The following LYPLA1 variants were observed in gnomAD, a reference collection of about 807,000 sequenced individuals.
LYPLA1 encodes the protein lysophospholipase 1.
In LYPLA1, 17 loss-of-function variants were observed where a neutral mutation model predicts 34.0. The observed-to-expected ratio is 0.50, with a 90% confidence interval of 0.34 to 0.75. The LOEUF is 0.75. Ranked by LOEUF, LYPLA1 falls within the 30% of genes least tolerant of loss-of-function variation. The probability of loss-of-function intolerance (pLI) is 0.01; values close to 1 mark genes in which losing one functional copy is unlikely to be tolerated. For missense variants in LYPLA1, 203 were observed against 288.8 expected, an observed-to-expected ratio of 0.70 and a Z score of 2.15; for synonymous variants, 98 against 100.8, an observed-to-expected ratio of 0.97 and a Z score of 0.17.
chr8:54,063,630 C>CT (rs1806825061), intron 3 of LYPLA1, among the ~76,000 whole-genome samples: 1 of 152,212 alleles, frequency 6.6e-6, no homozygotes, highest in African/African-American at 2.4e-5. Flanking sequence ...AACACCCTTA[C>CT]TTACTACTTT....
At chr8:54,043,352 T>G (rs1441043746), downstream of LYPLA1, 1 of 152,074 alleles carries the variant, frequency 6.6e-6, no homozygotes, top group African/African-American at 2.4e-5. Flanking sequence ...CTCGGCTCAC[T>G]GCAACCCCCG....
At chr8:54,096,980 C>A (rs1809735309) in intron 2 of LYPLA1, among the ~76,000 whole-genome samples, 1 of 151,478 alleles carries the variant, frequency 6.6e-6, no homozygotes, top group Non-Finnish European at 1.5e-5. Flanking sequence ...TGGGGAGTAG[C>A]AGATTAATAA....
At chr8:54,071,110 T>C (rs1484898841) in intron 2 of LYPLA1, among the ~76,000 whole-genome samples, 1 of 152,222 alleles carries the variant, frequency 6.6e-6, no homozygotes, top group Non-Finnish European at 1.5e-5. Flanking sequence ...AGAGTCACTC[T>C]GCAGAATATG....
intron 2 of LYPLA1, among the ~76,000 whole-genome samples, chr8:54,092,787 G>C (rs1398072532): frequency 6.6e-6 from 1 of 152,164 alleles, no homozygotes; most frequent in Admixed American, 6.5e-5. Flanking sequence ...TTTGAGACCA[G>C]CCTAGGCAAC....
chr8:54,077,534 G>A (rs566115523), intron 2 of LYPLA1, among the ~76,000 whole-genome samples: 24 of 152,288 alleles, frequency 1.6e-4, no homozygotes, highest in Admixed American at 6.5e-4. Flanking sequence ...GGTGGCTCAC[G>A]CCTGTAATCC....
At chr8:54,054,813 T>G in intron 6 of LYPLA1, 1 of 378,754 alleles carries the variant, frequency 2.6e-6, no homozygotes, top group Non-Finnish European at 4.7e-6. Flanking sequence ...GTTATCAGTT[T>G]TAATTAATTA....
At chr8:54,087,499 G>GAAAC (rs558301990) in intron 2 of LYPLA1, among the ~76,000 whole-genome samples, 31 of 152,270 alleles carry the variant, frequency 2.0e-4, no homozygotes, top group African/African-American at 6.7e-4. Context: ...TACTCTGTCT[G>GAAAC]AAACAAACAA....
At chr8:54,085,662 C>G (rs1808676786) in intron 2 of LYPLA1, among the ~76,000 whole-genome samples, 1 of 150,550 alleles carries the variant, frequency 6.6e-6, no homozygotes, top group South Asian at 2.1e-4. Context: ...TGTCTCTGCC[C>G]CGCCGTCACC....
intron 2 of LYPLA1, among the ~76,000 whole-genome samples, chr8:54,069,918 A>G (rs569582085): frequency 1.4e-4 from 22 of 152,320 alleles, no homozygotes; most frequent in Non-Finnish European, 2.5e-4. Context: ...TCATTAGAAA[A>G]TGCAAACCAA....
At chr8:54,056,951 A>G (rs1806246660) in intron 5 of LYPLA1, among the ~76,000 whole-genome samples, 1 of 152,150 alleles carries the variant, frequency 6.6e-6, no homozygotes, top group South Asian at 2.1e-4. Flanking sequence ...AAAGATCTGA[A>G]TAGACATTTC....
At chr8:54,087,136 G>T (rs752418366) in intron 2 of LYPLA1, among the ~76,000 whole-genome samples, 2 of 152,036 alleles carry the variant, frequency 1.3e-5, no homozygotes, top group Non-Finnish European at 2.9e-5. Context: ...CTTATATACA[G>T]AAAATCCTAT....
At chr8:54,059,723 C>G (rs955042641) in intron 5 of LYPLA1, among the ~76,000 whole-genome samples, 6 of 152,176 alleles carry the variant, frequency 3.9e-5, no homozygotes, top group African/African-American at 1.4e-4. Flanking sequence ...GAGTTTCCCA[C>G]CAGCCTGGAC....
At chr8:54,084,124 G>GGAAAAAAA (rs1554547911) in intron 2 of LYPLA1, among the ~76,000 whole-genome samples, 30 of 56,154 alleles carry the variant, frequency 5.3e-4, no homozygotes, top group African/African-American at 2.5e-3. Flanking sequence ...GGAGACCAAA[G>GGAAAAAAA]AAAAAAAAAA....
At position 54,073,863 on chromosome 8, in the gene LYPLA1, A is replaced by T. The variant is rs76996048; in HGVS notation, c.102-8050T>A. Among the ~76,000 whole-genome samples the T allele has an allele frequency of 2.0e-5, 3 of 152,322 alleles. No individual in the cohort carries two copies. The East Asian group carries it at 5.8e-4, about 29-fold the overall frequency. On this transcript the variant is annotated intron_variant, in intron 2 of 8. Transcript: ENST00000316963. Reference sequence around the variant, plus strand: ...ATGTAATTCTACCAAAGTCTTCTTAATATGTTCTTTTAAACAATTGAATTA... The same window carrying T: ...ATGTAATTCTACCAAAGTCTTCTTATTATGTTCTTTTAAACAATTGAATTA...
In LYPLA1 at chr8:54,048,067, A is replaced by G; in HGVS notation, c.691T>C (p.Ter231ArgextTer3). 2 of 1,606,512 alleles carry G rather than the reference A, an allele frequency of 1.2e-6. No individual in the cohort carries two copies. The highest frequency in any genetic ancestry group is 1.7e-6 in the Non-Finnish European group (2 of 1,173,494). ...CTACACAAGGCCTCTTAGTGACGTC[A>G]ATCAATTGGAGGTAGGAGTTTATCA... ...FIDKLLPPID[*>R] The change falls in exon 9 of 9, where the codon TGA becomes CGA. Residue 231 changes from the stop codon to arginine, a stop_lost. Transcript: ENST00000316963.
chr8:54,044,493 GAA>G (rs1805434603), downstream of LYPLA1, among the ~76,000 whole-genome samples: 1 of 152,112 alleles, frequency 6.6e-6, no homozygotes, highest in Non-Finnish European at 1.5e-5. Context: ...AACTCCTGGT[GAA>G]AAAGTTTTGA....
intron 8 of LYPLA1, among the ~76,000 whole-genome samples, chr8:54,050,325 C>T (rs1055503073): frequency 1.3e-5 from 2 of 152,240 alleles, no homozygotes; most frequent in Non-Finnish European, 2.9e-5. Context: ...TACTACACCC[C>T]ACATAATTAA....
At chr8:54,072,299 G>A (rs1807532291) in intron 2 of LYPLA1, among the ~76,000 whole-genome samples, 1 of 152,102 alleles carries the variant, frequency 6.6e-6, no homozygotes, top group South Asian at 2.1e-4. Context: ...GACAACCTAG[G>A]AAATACCATT....
chr8:54,064,136 C>A (rs899284187), intron 3 of LYPLA1, among the ~76,000 whole-genome samples: 1 of 43,370 alleles, frequency 2.3e-5, no homozygotes, highest in Non-Finnish European at 4.2e-5. Flanking sequence ...AATTCTGGGC[C>A]GGGCGGGGTG....
Sources: gnomAD v4.1 joint callset for allele counts (sites outside exome capture counted in the v4.1 genomes callset) on GRCh38, gnomAD v4.1.1 for gene constraint, MANE v1.5 for transcripts, NCBI Gene and HGNC (gene_info 2026-07-23, HGNC 2026-07-21) for gene names.